KLF8: variants seen among roughly 807,000 people sequenced by gnomAD.
The protein encoded by KLF8 is Krueppel-like factor 8.
A neutral mutation model predicts 18.2 loss-of-function variants in KLF8; 10 were observed. The ratio of observed to expected loss-of-function variants is 0.55; its 90% CI spans 0.34 to 0.93. The LOEUF (loss-of-function observed/expected upper bound fraction) is 0.93, where lower values mean the gene tolerates loss of function less well. Among genes scored for constraint, KLF8 ranks in the 40% least tolerant of loss-of-function variants. The probability of loss-of-function intolerance (pLI) is 0.02; values close to 1 mark genes in which losing one functional copy is unlikely to be tolerated. For missense variants in KLF8, 264 were observed against 277.9 expected (o/e 0.95, Z 0.36); for synonymous variants, 109 against 97.3 (o/e 1.12, Z -0.71).
intron 1 of KLF8, among the ~76,000 whole-genome samples, chrX:56,249,997 A>C (rs2066681706): frequency 8.9e-6 from 1 of 111,797 alleles, no homozygotes; most frequent in African/African-American, 3.3e-5. Flanking sequence ...GAGAAATAGG[A>C]AGAAACAGAT....
At chrX:56,034,676 T>C in the KLF8 span, among the ~76,000 whole-genome samples, 1 of 110,261 alleles carries the variant, frequency 9.1e-6, no homozygotes, top group Admixed American at 9.7e-5. Context: ...TTTCTGGCTA[T>C]TTGAAAAAAT....
At chrX:56,258,103 T>A (rs1395627067) in intron 2 of KLF8, among the ~76,000 whole-genome samples, 1 of 112,649 alleles carries the variant, frequency 8.9e-6, no homozygotes, top group East Asian at 2.8e-4. Context: ...TAGGAATTAT[T>A]AGCACATCAA....
the KLF8 span, among the ~76,000 whole-genome samples, chrX:56,148,108 G>A: frequency 3.6e-5 from 4 of 111,967 alleles, no homozygotes; most frequent in Admixed American, 9.5e-5. Context: ...AAATGTTTGG[G>A]CATATGCTAC....
chrX:55,973,433 G>T, the KLF8 span, among the ~76,000 whole-genome samples: 1 of 111,904 alleles, frequency 8.9e-6, no homozygotes, highest in African/African-American at 3.2e-5. Context: ...CAAAATGGGA[G>T]AAGTTATTTG....
the KLF8 span, among the ~76,000 whole-genome samples, chrX:55,934,369 G>A: frequency 9.9e-5 from 11 of 111,627 alleles, no homozygotes; most frequent in Admixed American, 1.0e-3. Context: ...AAGCAACTGG[G>A]GCATGGATAG....
chrX:56,222,549 G>T, the KLF8 span, among the ~76,000 whole-genome samples: 1 of 112,890 alleles, frequency 8.9e-6, no homozygotes, highest in Non-Finnish European at 1.9e-5. Flanking sequence ...TCACCCAGTG[G>T]ATCTAGCAGC....
chrX:55,957,884 T>A, the KLF8 span, among the ~76,000 whole-genome samples: 1 of 112,046 alleles, frequency 8.9e-6, no homozygotes. Context: ...ATAAACTCAT[T>A]TAATTTATAA....
At chrX:56,283,984 A>G (rs2067238033) in intron 5 of KLF8, among the ~76,000 whole-genome samples, 1 of 111,755 alleles carries the variant, frequency 8.9e-6, no homozygotes, top group South Asian at 3.8e-4. Flanking sequence ...TCCTGTAGGT[A>G]ACAATGTATT....
chrX:56,131,726 C>T, the KLF8 span, among the ~76,000 whole-genome samples: 26 of 111,771 alleles, frequency 2.3e-4, no homozygotes, highest in Non-Finnish European at 3.8e-4. Flanking sequence ...CAAGTATCTG[C>T]TGCCTTGAAG....
At chrX:55,954,668 C>T in the KLF8 span, among the ~76,000 whole-genome samples, 9 of 112,020 alleles carry the variant, frequency 8.0e-5, no homozygotes, top group Admixed American at 4.7e-4. Context: ...TGTGCCCTAG[C>T]AATTCCACAT....
chrX:56,262,653 A>AATTATTATTATT (rs746011852), intron 2 of KLF8, among the ~76,000 whole-genome samples: 8 of 110,241 alleles, frequency 7.3e-5, no homozygotes, highest in African/African-American at 2.6e-4. Flanking sequence ...TATTACAGTG[A>AATTATTATTATT]ATTATTATTA....
chrX:56,067,499 AG>A, the KLF8 span, among the ~76,000 whole-genome samples: 1 of 111,143 alleles, frequency 9.0e-6, no homozygotes, highest in African/African-American at 3.3e-5. Flanking sequence ...AGGAAACAAA[AG>A]GGCTAGTGAG....
chrX:55,957,832 C>T, the KLF8 span, among the ~76,000 whole-genome samples: 1 of 111,239 alleles, frequency 9.0e-6, no homozygotes, highest in Non-Finnish European at 1.9e-5. Context: ...AATAATGGCA[C>T]ATAATGAGGC....
At chrX:55,968,240 GACTT>G in the KLF8 span, among the ~76,000 whole-genome samples, 1,090 of 110,747 alleles carry the variant, frequency 9.8e-3, 9 homozygotes, top group Non-Finnish European at 0.017. Flanking sequence ...CAGGAGGAAG[GACTT>G]ACTTATTAAT....
chrX:56,213,531 C>A, the KLF8 span, among the ~76,000 whole-genome samples: 76 of 108,341 alleles, frequency 7.0e-4, no homozygotes, highest in East Asian at 0.019. Context: ...CCATGTTGAC[C>A]AGGCTGGTCT....
At chrX:56,104,458 C>G in the KLF8 span, among the ~76,000 whole-genome samples, 3 of 111,193 alleles carry the variant, frequency 2.7e-5, no homozygotes, top group African/African-American at 9.8e-5. Context: ...GTGTATGTGC[C>G]CAGGAATTAA....
rs2067005117 is a variant in KLF8 at position 56,268,795 on chromosome X, G to C, written c.647-583G>C. 3.5e-5 allele frequency: 28 copies of C among 799,302 alleles called. No individual in the cohort carries two copies. In the South Asian group the frequency reaches 1.3e-3, roughly 37 times the overall value. 65.9% of individuals were successfully genotyped at this position (799,302 alleles called of 1,213,427 possible). ...AGTTTTTAGGAATTAGAAACATCAGGGGTTGATAATAAGGAATATTTGACA... is the reference window on the plus strand; with the variant it reads ...AGTTTTTAGGAATTAGAAACATCAGCGGTTGATAATAAGGAATATTTGACA... On this transcript the variant is annotated intron_variant, in intron 3 of 5. Coordinates refer to ENST00000468660, the MANE Select transcript of KLF8 (RefSeq NM_007250.5).
chrX:55,997,519 A>T, the KLF8 span, among the ~76,000 whole-genome samples: 1 of 111,435 alleles, frequency 9.0e-6, no homozygotes, highest in Admixed American at 9.5e-5. Flanking sequence ...GGCCAGTATG[A>T]TTCCTGGTGC....
chrX:56,006,749 T>C, the KLF8 span, among the ~76,000 whole-genome samples: 8 of 112,746 alleles, frequency 7.1e-5, no homozygotes, highest in South Asian at 2.9e-3. Context: ...AGTCACTTGT[T>C]GGATTCATAG....
Sources: gnomAD v4.1 joint callset for allele counts (sites outside exome capture counted in the v4.1 genomes callset) on GRCh38, gnomAD v4.1.1 for gene constraint, MANE v1.5 for transcripts, NCBI Gene and HGNC (gene_info 2026-07-23, HGNC 2026-07-21) for gene names.